The following GRID2 variants were observed in gnomAD, a reference collection of about 807,000 sequenced individuals.
The protein encoded by GRID2 is glutamate ionotropic receptor delta type subunit 2, also known as glutamate receptor ionotropic, delta-2.
A neutral mutation model predicts 114.8 loss-of-function variants in GRID2; 33 were observed. That is an observed-to-expected ratio of 0.29 (90% CI 0.22 to 0.38). GRID2 has a LOEUF of 0.38. Ranked by LOEUF, GRID2 falls within the 10% of genes least tolerant of loss-of-function variation. The pLI, the probability that GRID2 is intolerant of heterozygous loss-of-function variation, is 1.00. For missense variants in GRID2, 1,184 were observed against 1,257.7 expected (o/e 0.94, Z 0.89); for synonymous variants, 505 against 449.9 (o/e 1.12, Z -1.55).
chr4:93,396,169 C>A (rs145373982), intron 9 of GRID2, among the ~76,000 whole-genome samples: 1 of 152,128 alleles, frequency 6.6e-6, no homozygotes, highest in Non-Finnish European at 1.5e-5. Flanking sequence ...TAAGAACCTA[C>A]TTCAAAGGGA....
At chr4:93,135,537 A>G (rs1327055664) in intron 4 of GRID2, among the ~76,000 whole-genome samples, 3 of 152,166 alleles carry the variant, frequency 2.0e-5, no homozygotes, top group African/African-American at 4.8e-5. Context: ...AATGACTGCT[A>G]TGACTGTTTG....
intron 4 of GRID2, among the ~76,000 whole-genome samples, chr4:93,155,629 C>T (rs1737111618): frequency 1.3e-5 from 2 of 151,862 alleles, no homozygotes; most frequent in African/African-American, 2.4e-5. Context: ...TAAGAATTAG[C>T]ATGGCTGGAA....
chr4:93,265,416 G>A (rs1300222562), intron 8 of GRID2, among the ~76,000 whole-genome samples: 2 of 152,122 alleles, frequency 1.3e-5, no homozygotes, highest in African/African-American at 2.4e-5. Context: ...TCAAATGAGT[G>A]GAAAATGATT....
chr4:92,550,203 T>C (rs1220942744), intron 1 of GRID2, among the ~76,000 whole-genome samples: 1 of 152,158 alleles, frequency 6.6e-6, no homozygotes, highest in Non-Finnish European at 1.5e-5. Flanking sequence ...GACTTATGGT[T>C]TTTTAAATTT....
In GRID2 at chr4:92,441,151, A is replaced by G. The variant is rs3980264; in HGVS notation, c.88+136407A>G. 4.4e-3 allele frequency among the ~76,000 whole-genome samples: 670 copies of G among 150,802 alleles called. 6 individuals are homozygous for G. Among genetic ancestry groups the G allele is most frequent in the African/African-American group, 0.015 (622 of 40,692 alleles). ...GCTCTTGTGTAAGAATTCTGACCGCACTAACCATGCCTAGGAAGGAAAGGA... is the reference window on the plus strand; with the variant it reads ...GCTCTTGTGTAAGAATTCTGACCGCGCTAACCATGCCTAGGAAGGAAAGGA... On this transcript the variant is annotated intron_variant, in intron 1 of 15. Transcript: ENST00000282020.
intron 8 of GRID2, among the ~76,000 whole-genome samples, chr4:93,274,601 A>G (rs1339253788): frequency 2.0e-5 from 3 of 152,078 alleles, no homozygotes; most frequent in African/African-American, 7.2e-5. Flanking sequence ...GCTCATAGAC[A>G]CTTAACATTT....
chr4:93,607,649 T>G (rs940408572), intron 13 of GRID2, among the ~76,000 whole-genome samples: 1 of 152,192 alleles, frequency 6.6e-6, no homozygotes, highest in East Asian at 1.9e-4. Flanking sequence ...CTGTTTCCAC[T>G]AGCAATATGT....
In GRID2 at chr4:93,490,629, CT is replaced by C. The variant is rs757541821; in HGVS notation, c.1859-7del. ...TGATGTTCTTTTTATCTCTTTGCTT[CT>C]TTCTACAGGCGGGGAAGTCCCGTAC... is the stretch of plus-strand genomic sequence containing the variant. On this transcript the variant is annotated splice_polypyrimidine_tract_variant and intron_variant, in intron 11 of 15. Transcript: ENST00000282020. The C allele has an allele frequency of 1.3e-5, 21 of 1,599,014 alleles. No homozygotes were observed. The East Asian group carries it at 4.3e-4, about 32-fold the overall frequency.
At chr4:92,440,589 T>G (rs199604240) in intron 1 of GRID2, among the ~76,000 whole-genome samples, 18 of 151,552 alleles carry the variant, frequency 1.2e-4, no homozygotes, top group East Asian at 1.2e-3. Flanking sequence ...ACTGAGAAGT[T>G]ATTTCCTTGA....
At chr4:93,434,808 C>A (rs1021865929) in intron 10 of GRID2, among the ~76,000 whole-genome samples, 2 of 152,132 alleles carry the variant, frequency 1.3e-5, no homozygotes, top group African/African-American at 4.8e-5. Context: ...ACATAATCTG[C>A]CCAATCAATT....
chr4:93,586,426 C>A (rs1294207911), intron 13 of GRID2, among the ~76,000 whole-genome samples: 1 of 152,148 alleles, frequency 6.6e-6, no homozygotes, highest in African/African-American at 2.4e-5. Flanking sequence ...GAGTACCCCT[C>A]TGCCATTAAG....
intron 1 of GRID2, among the ~76,000 whole-genome samples, chr4:92,542,780 A>T (rs906189358): frequency 6.6e-6 from 1 of 152,158 alleles, no homozygotes; most frequent in African/African-American, 2.4e-5. Context: ...CTATTGAAAT[A>T]AAAATTTAAA....
intron 13 of GRID2, among the ~76,000 whole-genome samples, chr4:93,530,533 T>C (rs1731341954): frequency 6.6e-6 from 1 of 152,162 alleles, no homozygotes; most frequent in South Asian, 2.1e-4. Flanking sequence ...CTGCCTTCTT[T>C]TTCTGTCTAT....
intron 2 of GRID2, among the ~76,000 whole-genome samples, chr4:93,067,919 T>A (rs1000594858): frequency 4.6e-5 from 7 of 152,058 alleles, no homozygotes. Flanking sequence ...ACATATTTAA[T>A]TATATGCCTT....
In GRID2 at chr4:93,533,861, A is replaced by G. The variant is rs189830188; in HGVS notation, c.2193+18450A>G. Among the ~76,000 whole-genome samples, 61 of 152,196 alleles carry G rather than the reference A, an allele frequency of 4.0e-4. 3 individuals are homozygous for G. Among genetic ancestry groups the G allele is most frequent in the South Asian group, 3.9e-3 (19 of 4,824 alleles). On this transcript the variant is annotated intron_variant, in intron 13 of 15. Coordinates refer to ENST00000282020, the MANE Select transcript of GRID2 (RefSeq NM_001510.4). Reference sequence around the variant, plus strand: ...GCTTTCAATATTGCAATATAAGCGAACAGGTCATTCTTCTGCTCAAAATTG... The same window carrying G: ...GCTTTCAATATTGCAATATAAGCGAGCAGGTCATTCTTCTGCTCAAAATTG...
At chr4:93,362,272 G>T (rs962943112) in intron 8 of GRID2, among the ~76,000 whole-genome samples, 1 of 152,014 alleles carries the variant, frequency 6.6e-6, no homozygotes, top group Non-Finnish European at 1.5e-5. Context: ...GCCATTACTT[G>T]TTATTCACAC....
At chr4:92,473,118 C>T (rs549104144) in intron 1 of GRID2, among the ~76,000 whole-genome samples, 7 of 152,162 alleles carry the variant, frequency 4.6e-5, no homozygotes, top group East Asian at 3.9e-4. Flanking sequence ...TTTTTGCATA[C>T]GTATAGTCAG....
Position 93,119,999 on chromosome 4 carries a change from T to C in GRID2, c.735+9046T>C, listed in dbSNP as rs138617463. ...CAAAAATGTTCTCCCATTCTGTAGC[T>C]CATCATCACTGGTCGTAAGAGAAAT... On this transcript the variant is annotated intron_variant, in intron 4 of 15. Transcript: ENST00000282020. Among the ~76,000 whole-genome samples, 19 of 152,330 alleles carry C rather than the reference T, an allele frequency of 1.2e-4. 1 individual carries two copies. The highest frequency in any genetic ancestry group is 4.3e-4 in the African/African-American group (18 of 41,572).
intron 1 of GRID2, among the ~76,000 whole-genome samples, chr4:92,501,077 T>C (rs2149123106): frequency 6.6e-6 from 1 of 152,286 alleles, no homozygotes; most frequent in African/African-American, 2.4e-5. Flanking sequence ...CCCTGAAGAT[T>C]CTTCTCTCAG....
Sources: allele counts gnomAD v4.1 joint callset (sites outside exome capture counted in the v4.1 genomes callset), GRCh38; gene constraint gnomAD v4.1.1; transcripts MANE v1.5; gene names NCBI Gene and HGNC (gene_info 2026-07-23, HGNC 2026-07-21).